The following KMT5B variants were observed in gnomAD, a reference collection of about 807,000 sequenced individuals.
KMT5B encodes histone-lysine N-methyltransferase KMT5B.
A neutral mutation model predicts 83.2 loss-of-function variants in KMT5B; 10 were observed. That is an observed-to-expected ratio of 0.12 (90% CI 0.07 to 0.20). The LOEUF is 0.20. Ranked by LOEUF, KMT5B falls within the 10% of genes least tolerant of loss-of-function variation. The pLI, the probability that KMT5B is intolerant of heterozygous loss-of-function variation, is 1.00. For synonymous variants in KMT5B, 349 were observed against 388.8 expected (o/e 0.90, Z 1.20); for missense variants, 753 against 1,067.2 (o/e 0.71, Z 4.10).
intron 1 of KMT5B, among the ~76,000 whole-genome samples, chr11:68,205,037 T>A (rs1450216513): frequency 6.6e-6 from 1 of 151,738 alleles, no homozygotes; most frequent in Non-Finnish European, 1.5e-5. Context: ...CAAAAATACA[T>A]AAAATTCCAA....
intron 9 of KMT5B, 51 bp downstream of exon 9, chr11:68,170,964 C>A: frequency 6.5e-7 from 1 of 1,531,872 alleles, no homozygotes; most frequent in Non-Finnish European, 8.8e-7. Context: ...TCCCCATAAT[C>A]AGGTTGTTAA....
intron 1 of KMT5B, among the ~76,000 whole-genome samples, chr11:68,204,119 G>A (rs1295611109): frequency 1.3e-5 from 2 of 151,924 alleles, no homozygotes; most frequent in Non-Finnish European, 1.5e-5. Flanking sequence ...TACCACCAAG[G>A]TAGAATGCTT....
At chr11:68,165,848 G>A in intron 10 of KMT5B, 5 of 1,612,672 alleles carry the variant, frequency 3.1e-6, no homozygotes, top group Non-Finnish European at 4.2e-6. Context: ...TGCTACACGG[G>A]TTATGCTTGG....
Position 68,171,842 on chromosome 11 carries a change from G to A in KMT5B, c.654-133C>T. 1 of 674,900 alleles carries A rather than the reference G, an allele frequency of 1.5e-6. No homozygotes were observed. The highest frequency in any genetic ancestry group is 2.4e-6 in the Non-Finnish European group (1 of 413,052). 41.8% of individuals were successfully genotyped at this position (674,900 alleles called of 1,614,324 possible). A position where few individuals can be genotyped will look rare whatever the true frequency, so the allele number is the denominator to read the frequency against. ...CTGTCTATACTTTAGTTAGCTCACT[G>A]GGATCCCCACCTGGCTATCTTCTCT... On this transcript the variant is annotated intron_variant, in intron 6 of 10. Coordinates refer to ENST00000304363, the MANE Select transcript of KMT5B (RefSeq NM_017635.5). The surrounding 1 kb of genome is among the most constrained non-coding windows in gnomAD (Gnocchi z 5.1).
chr11:68,166,283 C>A, intron 10 of KMT5B: 1 of 1,105,220 alleles, frequency 9.0e-7, no homozygotes, highest in Non-Finnish European at 1.1e-6. Context: ...GGTTTCTTCT[C>A]TTTCCTTTCT....
At chr11:68,174,801 C>G (rs73509350) in intron 5 of KMT5B, among the ~76,000 whole-genome samples, 1 of 152,138 alleles carries the variant, frequency 6.6e-6, no homozygotes. Flanking sequence ...TCTTAGCCCC[C>G]ACAAAGTGCT....
chr11:68,202,976 T>C (rs76504583), intron 1 of KMT5B, among the ~76,000 whole-genome samples: 220 of 152,102 alleles, frequency 1.4e-3, no homozygotes, highest in African/African-American at 4.9e-3. Context: ...GGTAATTCTA[T>C]GCTAAACTTT....
Position 68,209,562 on chromosome 11 carries a change from G to A in KMT5B, c.-77+3576C>T, listed in dbSNP as rs4310624. 2.0e-5 allele frequency among the ~76,000 whole-genome samples: 3 copies of A among 152,166 alleles called. No homozygotes were observed. The South Asian group carries it at 6.2e-4, about 32-fold the overall frequency. ...ATTCCTATAAAGGTGGCACAAGGTA[G>A]AAACACAGGTGTCACAACACACACA... On this transcript the variant is annotated intron_variant, in intron 1 of 10. Transcript: ENST00000304363.
chr11:68,189,365 A>T (rs1313655059), intron 2 of KMT5B, among the ~76,000 whole-genome samples: 1 of 152,188 alleles, frequency 6.6e-6, no homozygotes. Context: ...GTATAGAGGA[A>T]ATAAAGTAAC....
intron 1 of KMT5B, among the ~76,000 whole-genome samples, chr11:68,199,717 T>C (rs575235260): frequency 2.2e-4 from 33 of 152,320 alleles, no homozygotes; most frequent in African/African-American, 7.9e-4. Flanking sequence ...ACGTTATTAG[T>C]AGTAGTAGTC....
At position 68,187,365 on chromosome 11, in the gene KMT5B, G is replaced by C. The variant is rs1857536798; in HGVS notation, c.161-1437C>G. On this transcript the variant is annotated intron_variant, in intron 2 of 10. Transcript: ENST00000304363. ...TAAACCACCGCTTTGGCTGCATCCT[G>C]TAAGTTTTAGTATGTTTTATCTTTC... 2.0e-5 allele frequency among the ~76,000 whole-genome samples: 3 copies of C among 152,226 alleles called. No individual in the cohort carries two copies. The South Asian group carries it at 6.2e-4, about 32-fold the overall frequency.
intron 1 of KMT5B, among the ~76,000 whole-genome samples, chr11:68,198,008 C>T (rs1858926106): frequency 6.6e-6 from 1 of 152,174 alleles, no homozygotes; most frequent in Non-Finnish European, 1.5e-5. Context: ...GGAATCTGTT[C>T]TTGCTGGCAT....
In KMT5B at chr11:68,197,494, A is replaced by T. The variant is rs558053735; in HGVS notation, c.-76-7342T>A. On this transcript the variant is annotated intron_variant, in intron 1 of 10. Coordinates refer to ENST00000304363, the MANE Select transcript of KMT5B (RefSeq NM_017635.5). ...GGAATAAAAAATTAAGGAAATTATA[A>T]TATCAACCAAACATTTTTCTGAGAA... Among the ~76,000 whole-genome samples, 4 of 152,204 alleles carry T rather than the reference A, an allele frequency of 2.6e-5. No individual in the cohort carries two copies. In the East Asian group the frequency reaches 7.7e-4, roughly 29 times the overall value.
chr11:68,158,290 T>C lies in KMT5B; in HGVS notation c.2056A>G (p.Lys686Glu), dbSNP rs746916539. 6.2e-7 allele frequency: 1 copy of C among 1,614,182 alleles called. No homozygotes were observed. Among genetic ancestry groups the C allele is most frequent in the Non-Finnish European group, 8.5e-7 (1 of 1,180,028 alleles). ...CTTTTTGCAGTTCTAAAGCTGTCTT[T>C]TGTTTTGAAGCTATCTGATGTCACA... is the stretch of plus-strand genomic sequence containing the variant. ...SVVTSDSFKT[K>E]DSFRTAKSKK... The change falls in exon 11 of 11, where the codon AAA becomes GAA. Residue 686 changes from lysine to glutamate, a missense_variant. Lys to Glu is a moderately conservative substitution (Grantham distance 56). Around this residue, in one of 9 missense-constraint regions of KMT5B, gnomAD observed 397 missense variants for 395.9 expected, o/e 1.00. Transcript: ENST00000304363.
intron 9 of KMT5B, among the ~76,000 whole-genome samples, chr11:68,168,240 T>C (rs1319765671): frequency 6.6e-6 from 1 of 152,196 alleles, no homozygotes. Context: ...GCCATTTTTT[T>C]CCTGTGAAGC....
chr11:68,171,700 A>G lies in KMT5B; in HGVS notation c.663T>C (p.Asn221=). The part of the protein sequence containing the change: ...KIVATKEWKR[N]DKIELLVGCI... Reference sequence around the variant, plus strand: ...AACCCACCAGTAATTCTATTTTGTCATTTCGTTTCCTATTTAAAATATGTG... The same window carrying G: ...AACCCACCAGTAATTCTATTTTGTCGTTTCGTTTCCTATTTAAAATATGTG... Residue 221 remains asparagine (N), a synonymous_variant, in exon 7 of 11, where the codon AAT becomes AAC. Coordinates refer to ENST00000304363, the MANE Select transcript of KMT5B (RefSeq NM_017635.5). The surrounding 1 kb of genome is among the most constrained non-coding windows in gnomAD (Gnocchi z 5.1). 2 of 1,611,104 alleles carry G rather than the reference A, an allele frequency of 1.2e-6. No homozygotes were observed. The highest frequency in any genetic ancestry group is 1.7e-5 in the Admixed American group (1 of 59,584).
chr11:68,191,802 G>A (rs891582174), intron 1 of KMT5B, among the ~76,000 whole-genome samples: 3 of 152,162 alleles, frequency 2.0e-5, no homozygotes, highest in Non-Finnish European at 2.9e-5. Flanking sequence ...CTAAGTGTAC[G>A]GTGTTAATAA....
chr11:68,170,764 T>C (rs1855766367), intron 9 of KMT5B, among the ~76,000 whole-genome samples: 1 of 152,222 alleles, frequency 6.6e-6, no homozygotes, highest in African/African-American at 2.4e-5. Flanking sequence ...CACATCTGTA[T>C]TCTGGCCCAC....
chr11:68,191,786 C>T (rs890654953), intron 1 of KMT5B, among the ~76,000 whole-genome samples: 4 of 152,104 alleles, frequency 2.6e-5, no homozygotes, highest in African/African-American at 4.8e-5. Flanking sequence ...ATAAATTTAG[C>T]GTAGCCTAAG....
Sources: gnomAD v4.1 joint callset for allele counts (sites outside exome capture counted in the v4.1 genomes callset) on GRCh38, gnomAD v4.1.1 for gene constraint, gnomAD v4.1.1 regional missense constraint, Gnocchi (gnomAD v3.1) non-coding constraint, MANE v1.5 for transcripts, NCBI Gene and HGNC (gene_info 2026-07-23, HGNC 2026-07-21) for gene names.